The following CSNK1G1 variants were observed in gnomAD, a reference collection of about 807,000 sequenced individuals.
CSNK1G1 encodes casein kinase I isoform gamma-1.
Under a neutral mutation model 59.6 loss-of-function variants are expected in CSNK1G1, and 22 were observed. That is an observed-to-expected ratio of 0.37 (90% CI 0.26 to 0.53). CSNK1G1 has a LOEUF of 0.53. CSNK1G1 is among the 20% of genes least tolerant of loss of function. The pLI is 0.89. For missense variants in CSNK1G1, 384 were observed against 519.5 expected (o/e 0.74, Z 2.54); for synonymous variants, 179 against 177.1 (o/e 1.01, Z -0.08).
At chr15:64,312,157 T>A (rs1041795586) in intron 1 of CSNK1G1, among the ~76,000 whole-genome samples, 1 of 151,964 alleles carries the variant, frequency 6.6e-6, no homozygotes, top group Admixed American at 6.6e-5. Context: ...AGAATCAATA[T>A]CACGAAAATA....
intron 1 of CSNK1G1, among the ~76,000 whole-genome samples, chr15:64,344,614 T>C (rs1380917421): frequency 6.6e-6 from 1 of 152,190 alleles, no homozygotes; most frequent in Non-Finnish European, 1.5e-5. Context: ...TAAGAAATAC[T>C]TAATTTAAGT....
intron 7 of CSNK1G1, 45 bp downstream of exon 7, chr15:64,207,464 C>G (rs2082197443): frequency 7.2e-7 from 1 of 1,394,094 alleles, no homozygotes; most frequent in Non-Finnish European, 1.0e-6. Flanking sequence ...TCATTAACAA[C>G]TGAGCATTGA....
chr15:64,194,520 T>TC (rs1460482641), intron 10 of CSNK1G1, among the ~76,000 whole-genome samples: 418 of 147,494 alleles, frequency 2.8e-3, no homozygotes, highest in Admixed American at 4.7e-3. Flanking sequence ...TTCTTTTCTT[T>TC]TTTTTTTTTT....
At chr15:64,191,055 T>A (rs2081963885) in intron 10 of CSNK1G1, among the ~76,000 whole-genome samples, 1 of 152,070 alleles carries the variant, frequency 6.6e-6, no homozygotes. Flanking sequence ...TTTGCATTTG[T>A]TTTTTTGTTT....
intron 4 of CSNK1G1, among the ~76,000 whole-genome samples, chr15:64,248,212 AAT>A (rs1271067412): frequency 7.9e-5 from 12 of 152,306 alleles, no homozygotes; most frequent in African/African-American, 2.9e-4. Flanking sequence ...ACTCTGAAAA[AAT>A]AGGGGGAGGA....
At chr15:64,278,414 G>T (rs1467717522) in intron 2 of CSNK1G1, among the ~76,000 whole-genome samples, 2 of 105,926 alleles carry the variant, frequency 1.9e-5, no homozygotes, top group Non-Finnish European at 3.6e-5. Context: ...GTGTGTGTGT[G>T]TGTGTATATA....
At chr15:64,308,236 C>T (rs1370559636) in intron 1 of CSNK1G1, among the ~76,000 whole-genome samples, 2 of 152,026 alleles carry the variant, frequency 1.3e-5, no homozygotes, top group Non-Finnish European at 2.9e-5. Context: ...TTCATAAATT[C>T]GTCTGTTCTA....
At chr15:64,279,118 T>C (rs1446605822) in intron 2 of CSNK1G1, among the ~76,000 whole-genome samples, 2 of 152,250 alleles carry the variant, frequency 1.3e-5, no homozygotes, top group Non-Finnish European at 2.9e-5. Flanking sequence ...ACACCTACTT[T>C]TTCTTTTTTA....
intron 2 of CSNK1G1, chr15:64,265,900 T>C (rs543781676): frequency 1.3e-5 from 6 of 444,550 alleles, no homozygotes; most frequent in African/African-American, 8.2e-5. Flanking sequence ...CTAAGCAACA[T>C]ATGAGACACT....
chr15:64,206,021 C>A (rs1214384242), intron 7 of CSNK1G1, among the ~76,000 whole-genome samples: 1 of 152,126 alleles, frequency 6.6e-6, no homozygotes, highest in Non-Finnish European at 1.5e-5. Flanking sequence ...AAAAATATGT[C>A]TTGGGCCAGG....
chr15:64,247,783 T>C lies in CSNK1G1; in HGVS notation c.292+3729A>G, dbSNP rs1891835318. 2.0e-5 allele frequency among the ~76,000 whole-genome samples: 3 copies of C among 152,208 alleles called. No homozygotes were observed. The South Asian group carries it at 6.2e-4, about 31-fold the overall frequency. ...AGTTGGGTACTGAAGAAAATGGTCATAGTCCCAGGACAACAAAAAGTTCCT... is the reference window on the plus strand; with the variant it reads ...AGTTGGGTACTGAAGAAAATGGTCACAGTCCCAGGACAACAAAAAGTTCCT... On this transcript the variant is annotated intron_variant, in intron 4 of 11. Transcript: ENST00000303052.
rs1397065159 is a variant in CSNK1G1, at chr15:64,170,566, G to C, written c.*1365C>G. On this transcript the variant is annotated 3_prime_UTR_variant, in exon 12 of 12. Transcript: ENST00000303052. Reference sequence around the variant, plus strand: ...TACAGCTCAGCTATTGGGGCAGATAGGATACACCGATTTTCTTTTCCTGGC... The same window carrying C: ...TACAGCTCAGCTATTGGGGCAGATACGATACACCGATTTTCTTTTCCTGGC... 6.6e-6 allele frequency: 1 copy of C among 152,612 alleles called. No individual in the cohort carries two copies. Among genetic ancestry groups the C allele is most frequent in the African/African-American group, 2.4e-5 (1 of 41,430 alleles). 9.5% of individuals were successfully genotyped at this position (152,612 alleles called of 1,614,324 possible). A position where few individuals can be genotyped will look rare whatever the true frequency, so the allele number is the denominator to read the frequency against.
At chr15:64,226,552 C>T (rs1255535348) in intron 4 of CSNK1G1, among the ~76,000 whole-genome samples, 2 of 131,774 alleles carry the variant, frequency 1.5e-5, no homozygotes, top group African/African-American at 6.4e-5. Context: ...AAGATTCCGT[C>T]TCAAAACAAA....
intron 2 of CSNK1G1, among the ~76,000 whole-genome samples, chr15:64,274,574 G>C (rs373490997): frequency 4.7e-4 from 72 of 152,032 alleles, no homozygotes; most frequent in Admixed American, 1.6e-3. Context: ...CCTGGCTATT[G>C]GTTCCTTTAT....
intron 2 of CSNK1G1, among the ~76,000 whole-genome samples, chr15:64,269,300 C>A (rs1457247341): frequency 1.3e-5 from 2 of 152,080 alleles, no homozygotes; most frequent in Non-Finnish European, 2.9e-5. Context: ...GGCTGTGAAT[C>A]CATCTGGTCC....
intron 2 of CSNK1G1, among the ~76,000 whole-genome samples, chr15:64,283,300 C>T (rs1045569653): frequency 6.6e-6 from 1 of 151,860 alleles, no homozygotes; most frequent in Non-Finnish European, 1.5e-5. Context: ...TACATAATTT[C>T]CAAATATTTT....
intron 1 of CSNK1G1, among the ~76,000 whole-genome samples, chr15:64,333,851 C>A (rs1010205688): frequency 1.3e-5 from 2 of 152,080 alleles, no homozygotes; most frequent in South Asian, 4.1e-4. Context: ...CAAGATTTTA[C>A]AATCTTAAAC....
At position 64,197,125 on chromosome 15, in the gene CSNK1G1, T is replaced by C. The variant is rs541974020; in HGVS notation, c.1107+5957A>G. On this transcript the variant is annotated intron_variant, in intron 10 of 11. Transcript: ENST00000303052. ...ACCTCTGCTCTTACAAGGCTCCAAT[T>C]TGAGAATGCTGACACCCTAAATAGG... Among the ~76,000 whole-genome samples, 19 of 152,250 alleles carry C rather than the reference T, an allele frequency of 1.2e-4. No individual in the cohort carries two copies. The South Asian group carries it at 3.9e-3, about 32-fold the overall frequency.
chr15:64,234,455 C>T (rs949212256), intron 4 of CSNK1G1, among the ~76,000 whole-genome samples: 8 of 152,112 alleles, frequency 5.3e-5, no homozygotes, highest in African/African-American at 1.9e-4. Flanking sequence ...GATGAGCTAC[C>T]TCACTTAACA....
Sources: gnomAD v4.1 joint callset for allele counts (sites outside exome capture counted in the v4.1 genomes callset) on GRCh38, gnomAD v4.1.1 for gene constraint, MANE v1.5 for transcripts, NCBI Gene and HGNC (gene_info 2026-07-23, HGNC 2026-07-21) for gene names.